The following OR4E2 variants were observed in gnomAD, a reference collection of about 807,000 sequenced individuals.
OR4E2 encodes the protein olfactory receptor 4E2.
Under a neutral mutation model 11.0 loss-of-function variants are expected in OR4E2, and 9 were observed. The observed-to-expected ratio is 0.82, with a 90% confidence interval of 0.49 to 1.43. The LOEUF is 1.43. Among genes scored for constraint, OR4E2 ranks in the 40% most tolerant of loss-of-function variants. The pLI is 0.00. For missense variants in OR4E2, 441 were observed against 382.0 expected, an observed-to-expected ratio of 1.15 and a Z score of -1.29; for synonymous variants, 159 against 147.3, an observed-to-expected ratio of 1.08 and a Z score of -0.57.
At position 21,665,607 on chromosome 14, in the gene OR4E2, C is replaced by T. The variant is rs1490266184; in HGVS notation, c.525C>T (p.Asp175=). 8 of 1,614,074 alleles carry T rather than the reference C, an allele frequency of 5.0e-6. No homozygotes were observed. In the East Asian group the frequency reaches 1.3e-4, roughly 27 times the overall value. ...RLPYCGPNII[D]SYFCDVPLVI... ...CTTACTGTGGCCCCAACATTATTGACAGCTACTTCTGTGATGTGCCTCTTG... is the reference window on the plus strand; with the variant it reads ...CTTACTGTGGCCCCAACATTATTGATAGCTACTTCTGTGATGTGCCTCTTG... Residue 175 remains aspartate, a synonymous_variant, in exon 4 of 4, where the codon GAC becomes GAT. Coordinates refer to ENST00000641524, the MANE Select transcript of OR4E2 (RefSeq NM_001001912.3).
chr14:21,657,422 CTCTT>C (rs1213436212), intron 2 of OR4E2, among the ~76,000 whole-genome samples: 9 of 118,452 alleles, frequency 7.6e-5, no homozygotes, highest in East Asian at 2.5e-4. Context: ...TTCTTTCTTT[CTCTT>C]TCTTTCTTCT....
intron 2 of OR4E2, among the ~76,000 whole-genome samples, chr14:21,660,280 T>A (rs1007168309): frequency 6.6e-6 from 1 of 152,196 alleles, no homozygotes; most frequent in African/African-American, 2.4e-5. Flanking sequence ...GAGGCAGAGC[T>A]CAGGTGGTGA....
rs368681200 is a variant in OR4E2, at chr14:21,665,397, T to C, written c.315T>C (p.His105=). The change falls in exon 4 of 4, where the codon CAT becomes CAC. Residue 105 remains histidine, a synonymous_variant. Coordinates refer to ENST00000641524, the MANE Select transcript of OR4E2 (RefSeq NM_001001912.3). ...GCATCACACAGCTCTTCTTCCTACATCTCTTTGCCTGTGCCGAGATCTTTC... is the reference window on the plus strand; with the variant it reads ...GCATCACACAGCTCTTCTTCCTACACCTCTTTGCCTGTGCCGAGATCTTTC... The part of the protein sequence containing the change: ...DNCITQLFFL[H]LFACAEIFLL... The C allele has an allele frequency of 1.9e-6, 3 of 1,613,988 alleles. No homozygotes were observed. In the African/African-American group the frequency reaches 4.0e-5, roughly 22 times the overall value.
At chr14:21,659,229 G>A (rs1207148849) in intron 2 of OR4E2, among the ~76,000 whole-genome samples, 1 of 151,806 alleles carries the variant, frequency 6.6e-6, no homozygotes, top group Non-Finnish European at 1.5e-5. Flanking sequence ...GAGATGCAGT[G>A]TCACTATGTT....
intron 2 of OR4E2, among the ~76,000 whole-genome samples, chr14:21,659,726 T>C (rs1250107511): frequency 1.3e-5 from 2 of 152,244 alleles, no homozygotes; most frequent in African/African-American, 4.8e-5. Flanking sequence ...AAAATATGTA[T>C]TGAGCAACTG....
At chr14:21,657,480 CT>C (rs1880057582) in intron 2 of OR4E2, among the ~76,000 whole-genome samples, 1 of 107,698 alleles carries the variant, frequency 9.3e-6, no homozygotes, top group Admixed American at 1.3e-4. Context: ...TCCTTCCTTC[CT>C]TCCTTCCTTC....
intron 3 of OR4E2, among the ~76,000 whole-genome samples, chr14:21,662,509 T>C (rs1184679535): frequency 6.6e-6 from 1 of 152,092 alleles, no homozygotes. Context: ...ACCATATTGG[T>C]CTGGCTGGTC....
At chr14:21,660,768 T>C (rs2139805746) in intron 3 of OR4E2, 22 bp downstream of exon 3, 1 of 152,220 alleles carries the variant, frequency 6.6e-6, no homozygotes, top group Non-Finnish European at 1.5e-5. Flanking sequence ...TGCACCCAGC[T>C]TGACCTATGT....
rs1421847362 is a variant in OR4E2 at position 21,667,387 on chromosome 14, A to G, written c.*1363A>G. 6.6e-6 allele frequency: 1 copy of G among 152,166 alleles called. No individual in the cohort carries two copies. Among genetic ancestry groups the G allele is most frequent in the African/African-American group, 2.4e-5 (1 of 41,450 alleles). 9.4% of individuals were successfully genotyped at this position (152,166 alleles called of 1,614,324 possible). A position where few individuals can be genotyped will look rare whatever the true frequency, so the allele number is the denominator to read the frequency against. On this transcript the variant is annotated 3_prime_UTR_variant, in exon 4 of 4. Coordinates refer to ENST00000641524, the MANE Select transcript of OR4E2 (RefSeq NM_001001912.3). ...TGAGTGACCCACTAACTCTAACTAA[A>G]GAGTAATACATGATTACCTTTTAGT...
At chr14:21,654,665 A>C (rs940383018) in intron 1 of OR4E2, among the ~76,000 whole-genome samples, 3 of 152,126 alleles carry the variant, frequency 2.0e-5, no homozygotes, top group African/African-American at 2.4e-5. Context: ...TTGGTTGAAA[A>C]AAAATCTGCG....
chr14:21,660,924 A>T (rs1880287278), intron 3 of OR4E2, among the ~76,000 whole-genome samples, 178 bp downstream of exon 3: 2 of 152,216 alleles, frequency 1.3e-5, no homozygotes, highest in Admixed American at 6.5e-5. Flanking sequence ...TCACTTGGTT[A>T]TACACTTATG....
At chr14:21,662,882 A>G (rs1008771406) in intron 3 of OR4E2, among the ~76,000 whole-genome samples, 1 of 152,336 alleles carries the variant, frequency 6.6e-6, no homozygotes, top group African/African-American at 2.4e-5. Context: ...GATCAAGAAT[A>G]TAAATTATTT....
At position 21,666,089 on chromosome 14, in the gene OR4E2, C is replaced by A; in HGVS notation, c.*65C>A. The A allele has an allele frequency of 2.6e-6, 3 of 1,174,418 alleles. No individual in the cohort carries two copies. Among genetic ancestry groups the A allele is most frequent in the South Asian group, 1.4e-5 (1 of 71,000 alleles). 72.7% of individuals were successfully genotyped at this position (1,174,418 alleles called of 1,614,324 possible). ...TAATGAAAGAGCAAAAGTAAAGAGTCAAAATCAACTTATATAACTTGGTAA... is the reference window on the plus strand; with the variant it reads ...TAATGAAAGAGCAAAAGTAAAGAGTAAAAATCAACTTATATAACTTGGTAA... On this transcript the variant is annotated 3_prime_UTR_variant, in exon 4 of 4. Transcript: ENST00000641524.
In OR4E2 at chr14:21,665,962, G is replaced by C. The variant is rs577235126; in HGVS notation, c.880G>C (p.Val294Leu). Residue 294 changes from valine (V) to leucine (L), a missense_variant, in exon 4 of 4, where the codon GTA becomes CTA. Physicochemically the swap from Val to Leu is conservative, Grantham distance 32. Transcript: ENST00000641524. ...PFIYTLRNEE[V>L]KSAMKQLRQR... ...CATTTACACCTTGAGGAATGAGGAGGTAAAAAGTGCCATGAAGCAGCTCAG... is the reference window on the plus strand; with the variant it reads ...CATTTACACCTTGAGGAATGAGGAGCTAAAAAGTGCCATGAAGCAGCTCAG... The C allele has an allele frequency of 2.7e-5, 44 of 1,614,068 alleles. No homozygotes were observed. In the Middle Eastern group the frequency reaches 1.2e-3, roughly 42 times the overall value.
chr14:21,657,431 TCTTCTTTCTTTC>T (rs1880037746), intron 2 of OR4E2, among the ~76,000 whole-genome samples: 1 of 134,758 alleles, frequency 7.4e-6, no homozygotes, highest in Non-Finnish European at 1.6e-5. Context: ...TCTCTTTCTT[TCTTCTTTCTTTC>T]CTTCCTTCCT....
chr14:21,655,935 A>G (rs2139795312), intron 1 of OR4E2, among the ~76,000 whole-genome samples: 1 of 152,188 alleles, frequency 6.6e-6, no homozygotes, highest in African/African-American at 2.4e-5. Flanking sequence ...GAAAAATGTA[A>G]AATTTGCAGA....
intron 3 of OR4E2, among the ~76,000 whole-genome samples, chr14:21,663,209 G>A (rs996371723): frequency 1.3e-5 from 2 of 152,192 alleles, no homozygotes; most frequent in African/African-American, 4.8e-5. Context: ...TCTGGGCGCG[G>A]TGGCTCACGC....
intron 3 of OR4E2, among the ~76,000 whole-genome samples, chr14:21,662,789 C>A (rs950727594): frequency 6.6e-6 from 1 of 152,036 alleles, no homozygotes; most frequent in African/African-American, 2.4e-5. Context: ...GTAAGCCTCA[C>A]GTTATTTTAA....
rs750842276 is a variant in OR4E2, at chr14:21,665,722, G to A, written c.640G>A (p.Val214Met). ...GTISLSCFLAVVTSYMVILVS... is the reference protein window; with the variant it reads ...GTISLSCFLAMVTSYMVILVS... ...CATCTCCCTCTCCTGTTTCTTGGCC[G>A]TGGTCACCTCCTATATGGTCATCCT... The change falls in exon 4 of 4, where the codon GTG becomes ATG. Residue 214 changes from valine (V) to methionine (M), a missense_variant. Transcript: ENST00000641524. The A allele has an allele frequency of 9.9e-6, 16 of 1,613,996 alleles. No individual in the cohort carries two copies. The highest frequency in any genetic ancestry group is 7.7e-5 in the South Asian group (7 of 91,080).
Sources: allele counts gnomAD v4.1 joint callset (sites outside exome capture counted in the v4.1 genomes callset), GRCh38; gene constraint gnomAD v4.1.1; transcripts MANE v1.5; gene names NCBI Gene and HGNC (gene_info 2026-07-23, HGNC 2026-07-21).